The following SLC7A5 variants were observed in gnomAD, a reference collection of about 807,000 sequenced individuals.
The protein encoded by SLC7A5 is solute carrier family 7 member 5.
Under a neutral mutation model 50.2 loss-of-function variants are expected in SLC7A5, and 23 were observed. The observed-to-expected ratio is 0.46, with a 90% CI of 0.33 to 0.65. SLC7A5 has a LOEUF of 0.65. Among genes scored for constraint, SLC7A5 ranks in the 30% least tolerant of loss-of-function variants. SLC7A5 has a pLI of 0.02. For synonymous variants in SLC7A5, 393 were observed against 330.6 expected (o/e 1.19, Z -2.05); for missense variants, 578 against 684.4 (o/e 0.84, Z 1.73).
intron 6 of SLC7A5, among the ~76,000 whole-genome samples, chr16:87,838,277 G>C (rs971470821): frequency 1.7e-4 from 26 of 148,912 alleles, no homozygotes; most frequent in Middle Eastern, 3.5e-3. Context: ...TGTATTATTT[G>C]GGCTTGCTGC....
At chr16:87,859,308 C>T (rs534758656) in intron 1 of SLC7A5, among the ~76,000 whole-genome samples, 3 of 152,316 alleles carry the variant, frequency 2.0e-5, no homozygotes, top group East Asian at 3.9e-4. Flanking sequence ...CAGGTGAAGA[C>T]AGGGCCCCAA....
rs67971539 is a variant in SLC7A5 at position 87,853,120 on chromosome 16, T to A, written c.539-1271A>T. ...GTGGGCTCCTCTTCTCTCTTTCCCC[T>A]TGGGAGTAACGCTCAGAAAGGTCTG... On this transcript the variant is annotated intron_variant, in intron 1 of 9. Coordinates refer to ENST00000261622, the MANE Select transcript of SLC7A5 (RefSeq NM_003486.7). This position sits in a 1 kb window ranked among gnomAD's most constrained non-coding sequence, Gnocchi z 4.4. 0.22 allele frequency among the ~76,000 whole-genome samples: 34,031 copies of A among 152,210 alleles called. 4,848 individuals are homozygous for A. The highest frequency in any genetic ancestry group is 0.65 in the East Asian group (3,344 of 5,162).
At chr16:87,867,244 T>C (rs1009439492) in intron 1 of SLC7A5, among the ~76,000 whole-genome samples, 3 of 152,200 alleles carry the variant, frequency 2.0e-5, no homozygotes, top group Admixed American at 6.5e-5. Context: ...TTTTTAAAGA[T>C]AAGAGTGCAG....
chr16:87,831,520 T>C lies in SLC7A5; in HGVS notation c.*1450A>G, dbSNP rs2054935768. On this transcript the variant is annotated 3_prime_UTR_variant, in exon 10 of 10. Coordinates refer to ENST00000261622, the MANE Select transcript of SLC7A5 (RefSeq NM_003486.7). Reference sequence around the variant, plus strand: ...TTCGTTGGCTCCCGGCTTGGGACACTCAGGGCTGTGCCACAGGCCAGCTCC... The same window carrying C: ...TTCGTTGGCTCCCGGCTTGGGACACCCAGGGCTGTGCCACAGGCCAGCTCC... 6.6e-6 allele frequency: 1 copy of C among 151,208 alleles called. No homozygotes were observed. The highest frequency in any genetic ancestry group is 2.4e-5 in the African/African-American group (1 of 40,948). 9.4% of individuals were successfully genotyped at this position (151,208 alleles called of 1,614,324 possible).
At chr16:87,867,578 G>C (rs1357175123) in intron 1 of SLC7A5, among the ~76,000 whole-genome samples, 1 of 150,596 alleles carries the variant, frequency 6.6e-6, no homozygotes, top group African/African-American at 2.5e-5. Context: ...CCCAAAGTAC[G>C]GTGTGGCAGA....
Position 87,830,193 on chromosome 16 carries a change from G to C in SLC7A5, c.*2777C>G, listed in dbSNP as rs1016868786. On this transcript the variant is annotated 3_prime_UTR_variant, in exon 10 of 10. Coordinates refer to ENST00000261622, the MANE Select transcript of SLC7A5 (RefSeq NM_003486.7). ...TCCAGCCTGGTCGGCCGACGTCACA[G>C]TGGATGGCCCTGCGTGGCTGGGACA... is the stretch of plus-strand genomic sequence containing the variant. The C allele has an allele frequency of 6.6e-6, 1 of 152,244 alleles. No individual in the cohort carries two copies. Among genetic ancestry groups the C allele is most frequent in the Non-Finnish European group, 1.5e-5 (1 of 68,058 alleles). 9.4% of individuals were successfully genotyped at this position (152,244 alleles called of 1,614,324 possible). A position where few individuals can be genotyped will look rare whatever the true frequency, so the allele number is the denominator to read the frequency against.
chr16:87,833,058 G>A lies in SLC7A5; in HGVS notation c.1469-33C>T. On this transcript the variant is annotated intron_variant, in intron 9 of 9. Transcript: ENST00000261622. This position sits in a 1 kb window ranked among gnomAD's most constrained non-coding sequence, Gnocchi z 6.0. ...GAGAGAAGACAGCTGTGTTAGCCTG[G>A]GGGCTGGGTAGGCACCCGTGGGACA... 1 of 1,607,072 alleles carries A rather than the reference G, an allele frequency of 6.2e-7. No individual in the cohort carries two copies. The highest frequency in any genetic ancestry group is 8.5e-7 in the Non-Finnish European group (1 of 1,173,896).
intron 1 of SLC7A5, among the ~76,000 whole-genome samples, chr16:87,856,699 TG>T (rs2055325935): frequency 6.6e-6 from 1 of 152,206 alleles, no homozygotes; most frequent in Non-Finnish European, 1.5e-5. Context: ...CCAGTGCACA[TG>T]GGGCTTTAGT....
intron 2 of SLC7A5, among the ~76,000 whole-genome samples, chr16:87,844,507 G>A (rs1230939960): frequency 6.6e-6 from 1 of 152,150 alleles, no homozygotes; most frequent in Non-Finnish European, 1.5e-5. Flanking sequence ...GCCCAGGGAC[G>A]CCCCCAGTGG....
chr16:87,867,458 G>A (rs1387338654), intron 1 of SLC7A5, among the ~76,000 whole-genome samples: 1 of 152,184 alleles, frequency 6.6e-6, no homozygotes, highest in Non-Finnish European at 1.5e-5. Context: ...CCTGCATGGT[G>A]GTGCGGCTGC....
At chr16:87,850,420 G>A (rs1240148779) in intron 2 of SLC7A5, among the ~76,000 whole-genome samples, 5 of 152,206 alleles carry the variant, frequency 3.3e-5, no homozygotes, top group Admixed American at 1.3e-4. Context: ...GTCCTCTGCA[G>A]CCCTGGGGTC....
At chr16:87,855,793 T>A (rs1424040764) in intron 1 of SLC7A5, among the ~76,000 whole-genome samples, 1 of 152,014 alleles carries the variant, frequency 6.6e-6, no homozygotes, top group Non-Finnish European at 1.5e-5. Flanking sequence ...GGGCCCCGGC[T>A]GGGTGGGGAC....
rs532368787 is a variant in SLC7A5, at chr16:87,865,566, TG to T, written c.538+3318del. Among the ~76,000 whole-genome samples the T allele has an allele frequency of 1.5e-4, 23 of 151,994 alleles. 1 individual carries two copies. The East Asian group carries it at 4.3e-3, about 28-fold the overall frequency. On this transcript the variant is annotated intron_variant, in intron 1 of 9. Coordinates refer to ENST00000261622, the MANE Select transcript of SLC7A5 (RefSeq NM_003486.7). ...TCTGCTAAAAATACAAAAAATTAGC[TG>T]GGCATGGTGGGCACCTGTAGTCCCA... is the stretch of plus-strand genomic sequence containing the variant.
rs1449662600 is a variant in SLC7A5 at position 87,852,259 on chromosome 16, T to C, written c.539-410A>G. Among the ~76,000 whole-genome samples, 1 of 152,118 alleles carries C rather than the reference T, an allele frequency of 6.6e-6. No individual in the cohort carries two copies. The highest frequency in any genetic ancestry group is 2.4e-5 in the African/African-American group (1 of 41,420). On this transcript the variant is annotated intron_variant, in intron 1 of 9. Coordinates refer to ENST00000261622, the MANE Select transcript of SLC7A5 (RefSeq NM_003486.7). The surrounding 1 kb of genome is among the most constrained non-coding windows in gnomAD (Gnocchi z 4.5). Reference sequence around the variant, plus strand: ...TACCTACTCAGCACCCTGACCTGACTGTGAGACCCACGCACAGCCCGACTG... The same window carrying C: ...TACCTACTCAGCACCCTGACCTGACCGTGAGACCCACGCACAGCCCGACTG...
At chr16:87,834,796 G>T in intron 8 of SLC7A5, 2 of 616,748 alleles carry the variant, frequency 3.2e-6, no homozygotes, top group South Asian at 1.9e-5. Flanking sequence ...TGTTGCCAGG[G>T]GCTCAGGCGG....
chr16:87,848,053 C>T (rs561142849), intron 2 of SLC7A5, among the ~76,000 whole-genome samples: 1 of 152,230 alleles, frequency 6.6e-6, no homozygotes, highest in African/African-American at 2.4e-5. Context: ...GCATTTTCCC[C>T]TCCTGGGGTG....
At position 87,830,225 on chromosome 16, in the gene SLC7A5, G is replaced by C. The variant is rs925794909; in HGVS notation, c.*2745C>G. 2 of 152,248 alleles carry C rather than the reference G, an allele frequency of 1.3e-5. No homozygotes were observed. Among genetic ancestry groups the C allele is most frequent in the Non-Finnish European group, 2.9e-5 (2 of 68,054 alleles). 9.4% of individuals were successfully genotyped at this position (152,248 alleles called of 1,614,324 possible). A position where few individuals can be genotyped will look rare whatever the true frequency, so the allele number is the denominator to read the frequency against. ...GCCCTGCGTGGCTGGGACACAGACA[G>C]GGAGCAGGCATGGCACCTGCGCCAC... On this transcript the variant is annotated 3_prime_UTR_variant, in exon 10 of 10. Transcript: ENST00000261622.
At chr16:87,865,296 C>T (rs921558912) in intron 1 of SLC7A5, among the ~76,000 whole-genome samples, 5 of 152,152 alleles carry the variant, frequency 3.3e-5, no homozygotes, top group Admixed American at 2.0e-4. Flanking sequence ...AGAAGTGTGG[C>T]CCTAACTTTC....
At chr16:87,850,368 G>C (rs946323097) in intron 2 of SLC7A5, among the ~76,000 whole-genome samples, 25 of 152,172 alleles carry the variant, frequency 1.6e-4, no homozygotes, top group African/African-American at 6.0e-4. Context: ...ACAGCTTGCT[G>C]GGTGAGGACC....
Sources: allele counts gnomAD v4.1 joint callset (sites outside exome capture counted in the v4.1 genomes callset), GRCh38; gene constraint gnomAD v4.1.1; non-coding constraint Gnocchi (gnomAD v3.1); transcripts MANE v1.5; gene names NCBI Gene and HGNC (gene_info 2026-07-23, HGNC 2026-07-21).